HMCN2: variants seen among roughly 807,000 people sequenced by gnomAD.
The protein encoded by HMCN2 is hemicentin 2.
HMCN2 carries 325 observed loss-of-function variants against 377.5 expected under a neutral mutation model. The observed-to-expected ratio is 0.86, with a 90% CI of 0.79 to 0.94. The LOEUF (loss-of-function observed/expected upper bound fraction) is 0.94, where lower values mean the gene tolerates loss of function less well. Among genes scored for constraint, HMCN2 ranks in the 40% least tolerant of loss-of-function variants. The probability of loss-of-function intolerance (pLI) is 0.00; values close to 1 mark genes in which losing one functional copy is unlikely to be tolerated. For synonymous variants in HMCN2, 2,007 were observed against 2,046.8 expected (o/e 0.98, Z 0.53); for missense variants, 4,543 against 4,725.3 (o/e 0.96, Z 1.13).
chr9:130,360,511 G>A lies in HMCN2; in HGVS notation c.5857G>A (p.Glu1953Lys). 3 of 1,304,142 alleles carry A rather than the reference G, an allele frequency of 2.3e-6. No homozygotes were observed. The highest frequency in any genetic ancestry group is 2.0e-6 in the Non-Finnish European group (2 of 988,942). 80.8% of individuals were successfully genotyped at this position (1,304,142 alleles called of 1,614,324 possible). A position where few individuals can be genotyped will look rare whatever the true frequency, so the allele number is the denominator to read the frequency against. ...AGTGGATGGGAGAGTTCTCCGCATTGAGCAAGCCCAGCTTTCTGATGCTGG... is the reference window on the plus strand; with the variant it reads ...AGTGGATGGGAGAGTTCTCCGCATTAAGCAAGCCCAGCTTTCTGATGCTGG... ...VSVDGRVLRI[E>K]QAQLSDAGSY... The change falls in exon 38 of 98, where the codon GAG becomes AAG. Residue 1953 changes from glutamate (E) to lysine (K), a missense_variant. Transcript: ENST00000683500. The surrounding 1 kb of genome is among the most constrained non-coding windows in gnomAD (Gnocchi z 4.7).
chr9:130,351,583 C>A lies in HMCN2; in HGVS notation c.4585+6C>A, dbSNP rs774865090. ...CTTCCAGCTCCGAGTTCATGGTGAGCCCCCACGCCTTCTGGGACCCCGCCA... is the reference window on the plus strand; with the variant it reads ...CTTCCAGCTCCGAGTTCATGGTGAGACCCCACGCCTTCTGGGACCCCGCCA... On this transcript the variant is annotated splice_donor_region_variant and intron_variant, in intron 30 of 97. Coordinates refer to ENST00000683500, the MANE Select transcript of HMCN2 (RefSeq NM_001291815.2). This position sits in a 1 kb window ranked among gnomAD's most constrained non-coding sequence, Gnocchi z 5.4. 7.7e-6 allele frequency: 10 copies of A among 1,299,010 alleles called. No homozygotes were observed. In the South Asian group the frequency reaches 1.2e-4, roughly 16 times the overall value. 80.5% of individuals were successfully genotyped at this position (1,299,010 alleles called of 1,614,324 possible).
Position 130,365,959 on chromosome 9 carries a change from G to A in HMCN2, c.6589G>A (p.Gly2197Ser). ...HPTRLSCECR[G>S]VPFPKISWRK... Reference sequence around the variant, plus strand: ...TACCAGGCTGTCCTGCGAATGCCGGGGTGTCCCCTTCCCCAAGATCTCCTG... The same window carrying A: ...TACCAGGCTGTCCTGCGAATGCCGGAGTGTCCCCTTCCCCAAGATCTCCTG... The change falls in exon 43 of 98, where the codon GGT (glycine) becomes AGT (serine). Residue 2197 changes from glycine to serine, a missense_variant. By Grantham distance (56) the Gly-to-Ser change is moderately conservative. Coordinates refer to ENST00000683500, the MANE Select transcript of HMCN2 (RefSeq NM_001291815.2). 1 of 985,864 alleles carries A rather than the reference G, an allele frequency of 1.0e-6. No homozygotes were observed. The highest frequency in any genetic ancestry group is 1.2e-6 in the Non-Finnish European group (1 of 829,958). The allele number at this position is 985,864 out of a possible 1,614,324, so 61.1% of individuals were successfully genotyped here. A position where few individuals can be genotyped will look rare whatever the true frequency, so the allele number is the denominator to read the frequency against.
At position 130,398,629 on chromosome 9, in the gene HMCN2, G is replaced by A. The variant is rs1842722663; in HGVS notation, c.11405G>A (p.Ser3802Asn). The change falls in exon 75 of 98, where the codon AGC becomes AAC. Residue 3802 changes from serine (S) to asparagine (N), a missense_variant. Physicochemically the swap from Ser to Asn is conservative, Grantham distance 46. Coordinates refer to ENST00000683500, the MANE Select transcript of HMCN2 (RefSeq NM_001291815.2). ...HTPALLPCEASGSPKPLVVWW... is the reference protein window; with the variant it reads ...HTPALLPCEANGSPKPLVVWW... The stretch of plus-strand genomic sequence containing the variant: ...CCAGCCTTGCTGCCCTGCGAGGCCA[G>A]CGGCTCCCCTAAGCCCCTGGTGGTC... 7.8e-7 allele frequency: 1 copy of A among 1,288,872 alleles called. No individual in the cohort carries two copies. Among genetic ancestry groups the A allele is most frequent in the African/African-American group, 1.5e-5 (1 of 65,858 alleles). 79.8% of individuals were successfully genotyped at this position (1,288,872 alleles called of 1,614,324 possible).
chr9:130,280,710 T>TA (rs1228545539), intron 1 of HMCN2, among the ~76,000 whole-genome samples: 3 of 152,332 alleles, frequency 2.0e-5, no homozygotes, highest in Admixed American at 6.5e-5. Context: ...CTGCTTAAAA[T>TA]AGTATGTATT....
At position 130,414,445 on chromosome 9, in the gene HMCN2, A is replaced by G. The variant is rs1843583605; in HGVS notation, c.12961+3793A>G. Among the ~76,000 whole-genome samples the G allele has an allele frequency of 6.6e-6, 1 of 152,198 alleles. No homozygotes were observed. The highest frequency in any genetic ancestry group is 2.4e-5 in the African/African-American group (1 of 41,462). ...TCTTGGCAGTTTTATAGCTCTGCCA[A>G]AAACGGAAGATTTAAATAAAAATCC... On this transcript the variant is annotated intron_variant, in intron 85 of 97. Transcript: ENST00000683500. The surrounding 1 kb of genome is among the most constrained non-coding windows in gnomAD (Gnocchi z 4.4).
rs1449317372 is a variant in HMCN2, at chr9:130,346,356, G to A, written c.3830-810G>A. Among the ~76,000 whole-genome samples, 5 of 152,302 alleles carry A rather than the reference G, an allele frequency of 3.3e-5. No individual in the cohort carries two copies. The East Asian group carries it at 9.7e-4, about 29-fold the overall frequency. ...GCCCGTGAATGAAAGCTCCACTCCA[G>A]CCCAGTGGGCAGCTGTTTCTGGCAC... On this transcript the variant is annotated intron_variant, in intron 25 of 97. Coordinates refer to ENST00000683500, the MANE Select transcript of HMCN2 (RefSeq NM_001291815.2).
intron 22 of HMCN2, among the ~76,000 whole-genome samples, chr9:130,333,686 T>C (rs1476492827): frequency 6.6e-6 from 1 of 152,072 alleles, no homozygotes; most frequent in Non-Finnish European, 1.5e-5. Flanking sequence ...CGCTGCCGCC[T>C]CCCCTTCCCT....
intron 95 of HMCN2, chr9:130,431,014 G>C: frequency 2.4e-6 from 1 of 424,022 alleles, no homozygotes; most frequent in Non-Finnish European, 4.2e-6. Flanking sequence ...GGGTAGAGGG[G>C]GGTGGGGGTG....
Position 130,376,694 on chromosome 9 carries a change from C to T in HMCN2, c.8061+36C>T, listed in dbSNP as rs181029849. On this transcript the variant is annotated intron_variant, in intron 52 of 97. Transcript: ENST00000683500. The stretch of plus-strand genomic sequence containing the variant: ...GACCCCCTGCGCAGCTTCTGGCTCT[C>T]ACCTCTGCTTCCGGCTGGTTCTGCT... 1.8e-5 allele frequency: 18 copies of T among 985,294 alleles called. No homozygotes were observed. In the Admixed American group the frequency reaches 4.9e-4, roughly 27 times the overall value. 61.0% of individuals were successfully genotyped at this position (985,294 alleles called of 1,614,324 possible). A position where few individuals can be genotyped will look rare whatever the true frequency, so the allele number is the denominator to read the frequency against.
intron 29 of HMCN2, among the ~76,000 whole-genome samples, chr9:130,349,888 C>CTTTTTT (rs760662723): frequency 2.2e-5 from 2 of 91,306 alleles, no homozygotes; most frequent in Non-Finnish European, 4.3e-5. Flanking sequence ...TTAGCCTTTC[C>CTTTTTT]TTTTTTTTTT....
At position 130,408,885 on chromosome 9, in the gene HMCN2, C is replaced by T. The variant is rs1397509414; in HGVS notation, c.12831C>T (p.His4277=). Residue 4277 remains histidine, a synonymous_variant, in exon 84 of 98, where the codon CAC becomes CAT. Coordinates refer to ENST00000683500, the MANE Select transcript of HMCN2 (RefSeq NM_001291815.2). ...IKDGLPLRGS[H]LRHQLQNGSL... is the part of the protein sequence containing the mutation. ...ATGGCCTTCCACTGCGGGGCAGCCA[C>T]CTCCGGCACCAGCTGCAGAATGGCT... 2 of 1,289,656 alleles carry T rather than the reference C, an allele frequency of 1.6e-6. No homozygotes were observed. The highest frequency in any genetic ancestry group is 2.0e-6 in the Non-Finnish European group (2 of 988,880). The allele number at this position is 1,289,656 out of a possible 1,614,324, so 79.9% of individuals were successfully genotyped here.
chr9:130,290,272 G>GC (rs1835682612), intron 4 of HMCN2, among the ~76,000 whole-genome samples: 1 of 152,290 alleles, frequency 6.6e-6, no homozygotes, highest in South Asian at 2.1e-4. Context: ...AAGAGGGTCA[G>GC]CCCCCCAACT....
At chr9:130,333,744 C>G (rs964587145) in intron 22 of HMCN2, among the ~76,000 whole-genome samples, 1 of 152,174 alleles carries the variant, frequency 6.6e-6, no homozygotes, top group Non-Finnish European at 1.5e-5. Context: ...GGGAATGTAG[C>G]GGGAGAGTGG....
rs1840398694 is a variant in HMCN2, at chr9:130,361,751, C to G, written c.5951-257C>G. On this transcript the variant is annotated intron_variant, in intron 38 of 97. Coordinates refer to ENST00000683500, the MANE Select transcript of HMCN2 (RefSeq NM_001291815.2). The surrounding 1 kb of genome is among the most constrained non-coding windows in gnomAD (Gnocchi z 4.8). ...AGAGGCCTGAGTGCGAGTGCTGCTT[C>G]CTGGGTGGTCAGCCTTGGGCAGGTG... Among the ~76,000 whole-genome samples the G allele has an allele frequency of 6.6e-6, 1 of 152,216 alleles. No individual in the cohort carries two copies. Among genetic ancestry groups the G allele is most frequent in the Non-Finnish European group, 1.5e-5 (1 of 68,040 alleles).
intron 32 of HMCN2, among the ~76,000 whole-genome samples, 156 bp from the exon 33 acceptor site, chr9:130,355,590 G>A (rs1242871562): frequency 6.6e-6 from 1 of 152,238 alleles, no homozygotes; most frequent in Non-Finnish European, 1.5e-5. Context: ...CCCGCCTTGG[G>A]TGGCCCTGGA....
chr9:130,355,564 C>G (rs925156129), intron 32 of HMCN2, among the ~76,000 whole-genome samples, 182 bp from the exon 33 acceptor site: 1 of 152,226 alleles, frequency 6.6e-6, no homozygotes, highest in Non-Finnish European at 1.5e-5. Flanking sequence ...TTTGGGGAGC[C>G]CGGGGTGTCC....
At position 130,425,703 on chromosome 9, in the gene HMCN2, A is replaced by G. The variant is rs1395396663; in HGVS notation, c.13658A>G (p.Tyr4553Cys). 33 of 1,539,626 alleles carry G rather than the reference A, an allele frequency of 2.1e-5. No individual in the cohort carries two copies. The East Asian group carries it at 4.2e-4, about 20-fold the overall frequency. Residue 4553 changes from tyrosine (Y) to cysteine (C), a missense_variant, in exon 90 of 98, where the codon TAC becomes TGC. Tyr to Cys is a radical substitution (Grantham distance 194, BLOSUM62 -2). This residue lies in a region of HMCN2 where 1,155 missense variants were observed against 1,157.7 expected (regional missense o/e 1.00). Coordinates refer to ENST00000683500, the MANE Select transcript of HMCN2 (RefSeq NM_001291815.2). Reference protein sequence around the residue: ...DLQVQDFEEHYVQTGPGQLFV... With the variant: ...DLQVQDFEEHCVQTGPGQLFV... ...ATCCTGCAGGACTTTGAGGAGCACT[A>G]CGTGCAAACAGGGCCTGGCCAGCTG...
At position 130,364,908 on chromosome 9, in the gene HMCN2, A is replaced by G; in HGVS notation, c.6408+19A>G. On this transcript the variant is annotated intron_variant, in intron 41 of 97. Coordinates refer to ENST00000683500, the MANE Select transcript of HMCN2 (RefSeq NM_001291815.2). ...GCTGCAGGTGTGCAGGCCCCTGGCCAGCCAAGCAGGCCTCCACCTCGGCCC... is the reference window on the plus strand; with the variant it reads ...GCTGCAGGTGTGCAGGCCCCTGGCCGGCCAAGCAGGCCTCCACCTCGGCCC... The G allele has an allele frequency of 1.0e-6, 1 of 985,582 alleles. No homozygotes were observed. 61.1% of individuals were successfully genotyped at this position (985,582 alleles called of 1,614,324 possible). A position where few individuals can be genotyped will look rare whatever the true frequency, so the allele number is the denominator to read the frequency against.
rs748450898 is a variant in HMCN2 at position 130,403,327 on chromosome 9, T to C, written c.12012T>C (p.Thr4004=). Residue 4004 remains threonine (T), a splice_region_variant and synonymous_variant, in exon 79 of 98, where the codon ACT becomes ACC. Transcript: ENST00000683500. The stretch of plus-strand genomic sequence containing the variant: ...AGAAGGAAGGGCTCAACGTCGCTAC[T>C]GGTGAGGGCCCCTGGCAGCCAGCCT... ...TWQKEGLNVA[T]GVSTQVLPGG... is the part of the protein sequence containing the mutation. 16 of 1,289,822 alleles carry C rather than the reference T, an allele frequency of 1.2e-5. No individual in the cohort carries two copies. The highest frequency in any genetic ancestry group is 1.6e-5 in the Non-Finnish European group (16 of 988,870). The allele number at this position is 1,289,822 out of a possible 1,614,324, so 79.9% of individuals were successfully genotyped here. A position where few individuals can be genotyped will look rare whatever the true frequency, so the allele number is the denominator to read the frequency against.
Sources: gnomAD v4.1 joint callset for allele counts (sites outside exome capture counted in the v4.1 genomes callset) on GRCh38, gnomAD v4.1.1 for gene constraint, gnomAD v4.1.1 regional missense constraint, Gnocchi (gnomAD v3.1) non-coding constraint, MANE v1.5 for transcripts, NCBI Gene and HGNC (gene_info 2026-07-23, HGNC 2026-07-21) for gene names.